The following SLC25A21 variants were observed in gnomAD, a reference collection of about 807,000 sequenced individuals.
SLC25A21 encodes the protein mitochondrial 2-oxodicarboxylate carrier.
Under a neutral mutation model 43.8 loss-of-function variants are expected in SLC25A21, and 47 were observed. The observed-to-expected ratio is 1.07, with a 90% confidence interval of 0.85 to 1.37. The LOEUF (loss-of-function observed/expected upper bound fraction) is 1.37. Ranked by LOEUF, SLC25A21 falls within the 40% of genes most tolerant of loss-of-function variation. The pLI, the probability that SLC25A21 is intolerant of heterozygous loss-of-function variation, is 0.00. For missense variants in SLC25A21, 352 were observed against 350.2 expected, an observed-to-expected ratio of 1.00 and a Z score of -0.04; for synonymous variants, 131 against 121.3, an observed-to-expected ratio of 1.08 and a Z score of -0.52.
intron 3 of SLC25A21, among the ~76,000 whole-genome samples, chr14:36,797,078 T>C (rs1455741708): frequency 6.6e-6 from 1 of 152,176 alleles, no homozygotes; most frequent in East Asian, 1.9e-4. Flanking sequence ...TAAGATGTGT[T>C]AGATGAGTAT....
chr14:37,155,990 C>G (rs1227381708), intron 1 of SLC25A21, among the ~76,000 whole-genome samples: 1 of 151,896 alleles, frequency 6.6e-6, no homozygotes, highest in African/African-American at 2.4e-5. Context: ...GAAACCCTGT[C>G]TCTACTAAAA....
chr14:36,912,362 A>T (rs112037170), intron 1 of SLC25A21, among the ~76,000 whole-genome samples: 2,407 of 152,294 alleles, frequency 0.016, 60 homozygotes, highest in African/African-American at 0.053. Flanking sequence ...CAGAGCAGGT[A>T]AGTGGCAGAG....
At chr14:37,047,615 A>G (rs1051089082) in intron 1 of SLC25A21, among the ~76,000 whole-genome samples, 1 of 152,232 alleles carries the variant, frequency 6.6e-6, no homozygotes, top group African/African-American at 2.4e-5. Flanking sequence ...AGTATGTAAC[A>G]TAACAAGAAC....
intron 3 of SLC25A21, among the ~76,000 whole-genome samples, chr14:36,789,085 T>C (rs1309251066): frequency 6.6e-6 from 1 of 152,240 alleles, no homozygotes; most frequent in Admixed American, 6.5e-5. Flanking sequence ...CATTTGACCA[T>C]AACATTGTCC....
chr14:37,098,309 T>C (rs1455461457), intron 1 of SLC25A21: 3 of 152,198 alleles, frequency 2.0e-5, no homozygotes, highest in Non-Finnish European at 4.4e-5. Context: ...AGCGTAGACT[T>C]TGGAGACAGA....
chr14:36,980,624 TTACTC>T (rs1959998378), intron 1 of SLC25A21, among the ~76,000 whole-genome samples: 1 of 152,218 alleles, frequency 6.6e-6, no homozygotes, highest in Non-Finnish European at 1.5e-5. Flanking sequence ...TCTATGCTGT[TTACTC>T]TAGTTAGCCA....
chr14:37,035,416 C>T (rs1384437446), intron 1 of SLC25A21, among the ~76,000 whole-genome samples: 2 of 152,176 alleles, frequency 1.3e-5, no homozygotes, highest in African/African-American at 2.4e-5. Flanking sequence ...AATGGATTAT[C>T]AAAATGCATT....
chr14:36,978,363 G>C (rs1212365160), intron 1 of SLC25A21, among the ~76,000 whole-genome samples: 1 of 152,184 alleles, frequency 6.6e-6, no homozygotes, highest in Non-Finnish European at 1.5e-5. Flanking sequence ...TCTATTAAGT[G>C]TGTGATAGTG....
intron 3 of SLC25A21, among the ~76,000 whole-genome samples, chr14:36,794,055 G>A (rs1887586993): frequency 6.6e-6 from 1 of 152,040 alleles, no homozygotes; most frequent in African/African-American, 2.4e-5. Context: ...AAAATTCAAT[G>A]GAAAATACAT....
intron 3 of SLC25A21, among the ~76,000 whole-genome samples, chr14:36,746,252 A>C (rs745552989): frequency 2.6e-5 from 4 of 152,194 alleles, no homozygotes; most frequent in Non-Finnish European, 4.4e-5. Flanking sequence ...ATGCCATGGA[A>C]TACTACTCAG....
chr14:37,092,934 C>T (rs1005946250), intron 1 of SLC25A21, among the ~76,000 whole-genome samples: 5 of 151,808 alleles, frequency 3.3e-5, no homozygotes, highest in East Asian at 1.9e-4. Flanking sequence ...CACACACACA[C>T]GCACATACGG....
rs74410034 is a variant in SLC25A21, at chr14:37,062,347, A to G, written c.70+109934T>C. Among the ~76,000 whole-genome samples the G allele has an allele frequency of 8.1e-3, 1,230 of 152,312 alleles. 21 individuals are homozygous for G. The highest frequency in any genetic ancestry group is 0.028 in the African/African-American group (1,156 of 41,580). On this transcript the variant is annotated intron_variant, in intron 1 of 9. Transcript: ENST00000331299. Reference sequence around the variant, plus strand: ...TTCTCACAGAAGAGTTGTGAGAAGAATAAGTCCTAAACTGCAGGCATCATG... The same window carrying G: ...TTCTCACAGAAGAGTTGTGAGAAGAGTAAGTCCTAAACTGCAGGCATCATG...
intron 1 of SLC25A21, among the ~76,000 whole-genome samples, chr14:36,951,876 T>C (rs1455027978): frequency 2.0e-5 from 3 of 152,190 alleles, no homozygotes; most frequent in Non-Finnish European, 4.4e-5. Context: ...AATGACTTCA[T>C]TTTTGCCCAT....
chr14:36,701,381 G>T (rs1442944417), intron 7 of SLC25A21, among the ~76,000 whole-genome samples: 1 of 152,162 alleles, frequency 6.6e-6, no homozygotes, highest in Non-Finnish European at 1.5e-5. Flanking sequence ...AAGGAATGTG[G>T]AGTATTCCTA....
chr14:37,101,334 C>A (rs1467815703), intron 1 of SLC25A21, among the ~76,000 whole-genome samples: 2 of 152,096 alleles, frequency 1.3e-5, no homozygotes, highest in Non-Finnish European at 2.9e-5. Context: ...TTTTATGAGA[C>A]CAAGGTCATA....
At chr14:36,886,649 G>T (rs1275339134) in intron 1 of SLC25A21, among the ~76,000 whole-genome samples, 1 of 152,126 alleles carries the variant, frequency 6.6e-6, no homozygotes, top group Non-Finnish European at 1.5e-5. Flanking sequence ...GAAAAGTTGA[G>T]ACAGAGTTTT....
intron 2 of SLC25A21, among the ~76,000 whole-genome samples, chr14:36,849,235 T>C (rs1027790873): frequency 3.9e-5 from 6 of 152,202 alleles, no homozygotes; most frequent in African/African-American, 1.2e-4. Flanking sequence ...CTCTGATTTC[T>C]TCCTGTCCTA....
chr14:36,760,736 T>C lies in SLC25A21; in HGVS notation c.204-26163A>G, dbSNP rs140284080. 1.1e-4 allele frequency among the ~76,000 whole-genome samples: 17 copies of C among 152,318 alleles called. No homozygotes were observed. The East Asian group carries it at 2.9e-3, about 26-fold the overall frequency. Reference sequence around the variant, plus strand: ...TCTAACTCCGTCACTCATGTCTGTATTTACTGATGATATGGAATGCCAGCG... The same window carrying C: ...TCTAACTCCGTCACTCATGTCTGTACTTACTGATGATATGGAATGCCAGCG... On this transcript the variant is annotated intron_variant, in intron 3 of 9. Coordinates refer to ENST00000331299, the MANE Select transcript of SLC25A21 (RefSeq NM_030631.4).
chr14:36,759,185 C>G (rs977004821), intron 3 of SLC25A21, among the ~76,000 whole-genome samples: 7 of 152,230 alleles, frequency 4.6e-5, no homozygotes, highest in Admixed American at 2.0e-4. Flanking sequence ...CAAACCTGCC[C>G]CAGCAGGCCT....
Sources: allele counts gnomAD v4.1 joint callset (sites outside exome capture counted in the v4.1 genomes callset), GRCh38; gene constraint gnomAD v4.1.1; transcripts MANE v1.5; gene names NCBI Gene and HGNC (gene_info 2026-07-23, HGNC 2026-07-21).